SDK2: variants seen among roughly 807,000 people sequenced by gnomAD.
The protein encoded by SDK2 is protein sidekick-2.
Under a neutral mutation model 253.9 loss-of-function variants are expected in SDK2, and 105 were observed. The ratio of observed to expected loss-of-function variants is 0.41; its 90% CI spans 0.35 to 0.49. SDK2 has a LOEUF of 0.49. SDK2 is among the 20% of genes least tolerant of loss of function. The pLI, the probability that SDK2 is intolerant of heterozygous loss-of-function variation, is 0.06. For missense variants in SDK2, 2,608 were observed against 3,003.0 expected, an observed-to-expected ratio of 0.87 and a Z score of 3.07; for synonymous variants, 1,249 against 1,234.9, an observed-to-expected ratio of 1.01 and a Z score of -0.24.
intron 1 of SDK2, among the ~76,000 whole-genome samples, chr17:73,622,482 A>T (rs1028756677): frequency 6.6e-6 from 1 of 152,160 alleles, no homozygotes; most frequent in African/African-American, 2.4e-5. Context: ...TGGCTCAGGG[A>T]GGAAAGTAAT....
intron 12 of SDK2, among the ~76,000 whole-genome samples, chr17:73,426,910 C>G (rs2063288305): frequency 6.6e-6 from 1 of 151,996 alleles, no homozygotes; most frequent in African/African-American, 2.4e-5. Flanking sequence ...ACGGTGAAAC[C>G]CTGTCCCTAC....
At chr17:73,553,210 A>C (rs2045090786) in intron 1 of SDK2, among the ~76,000 whole-genome samples, 1 of 137,196 alleles carries the variant, frequency 7.3e-6, no homozygotes, top group South Asian at 2.4e-4. Context: ...CATCAGAGGC[A>C]AGAGGCAGAG....
intron 1 of SDK2, among the ~76,000 whole-genome samples, chr17:73,524,727 T>A (rs1291857720): frequency 1.3e-5 from 2 of 152,214 alleles, no homozygotes; most frequent in Non-Finnish European, 2.9e-5. Context: ...CTCAAAGACA[T>A]GAAGTGACTT....
At position 73,384,899 on chromosome 17, in the gene SDK2, G is replaced by A. The variant is rs78884401; in HGVS notation, c.4570-888C>T. Among the ~76,000 whole-genome samples, 1,395 of 152,274 alleles carry A rather than the reference G, an allele frequency of 9.2e-3. 37 individuals carry two copies. The highest frequency in any genetic ancestry group is 0.087 in the East Asian group (449 of 5,178). On this transcript the variant is annotated intron_variant, in intron 32 of 44. Transcript: ENST00000392650. ...TTGTTAGCTCCTTAATGGTTTCCCC[G>A]GCTGCCATGGGCACCTCCCTGCCCC...
chr17:73,588,336 G>A (rs1248687444), intron 1 of SDK2, among the ~76,000 whole-genome samples: 10 of 141,516 alleles, frequency 7.1e-5, no homozygotes, highest in South Asian at 4.4e-4. Context: ...GCGGTGAGCC[G>A]AGATCGCGCC....
intron 1 of SDK2, among the ~76,000 whole-genome samples, chr17:73,588,160 G>A (rs1432797351): frequency 1.3e-5 from 2 of 151,478 alleles, no homozygotes; most frequent in Non-Finnish European, 2.9e-5. Flanking sequence ...ATCACCTGGG[G>A]TCAGGAGTTC....
At position 73,612,955 on chromosome 17, in the gene SDK2, G is replaced by A. The variant is rs1567873306; in HGVS notation, c.64+31070C>T. On this transcript the variant is annotated intron_variant, in intron 1 of 44. Transcript: ENST00000392650. The surrounding 1 kb of genome is among the most constrained non-coding windows in gnomAD (Gnocchi z 4.4). The stretch of plus-strand genomic sequence containing the variant: ...AATAATAATAGTAATGGTAATAATA[G>A]CAGCCTACCAGATGTTTAGTATACA... Among the ~76,000 whole-genome samples, 1 of 151,314 alleles carries A rather than the reference G, an allele frequency of 6.6e-6. No individual in the cohort carries two copies. The highest frequency in any genetic ancestry group is 1.5e-5 in the Non-Finnish European group (1 of 68,004).
At chr17:73,630,770 G>A (rs1038606756) in intron 1 of SDK2, among the ~76,000 whole-genome samples, 3 of 152,140 alleles carry the variant, frequency 2.0e-5, no homozygotes, top group African/African-American at 7.2e-5. Context: ...CTTCAAACCA[G>A]GGCTCTGCAA....
At chr17:73,497,193 C>T (rs2063848542) in intron 2 of SDK2, among the ~76,000 whole-genome samples, 3 of 152,244 alleles carry the variant, frequency 2.0e-5, no homozygotes, top group Admixed American at 2.0e-4. Flanking sequence ...CCACTGCGCC[C>T]AGCCTGAGCT....
chr17:73,384,829 ACAAAAACCC>A (rs368142448), intron 32 of SDK2, among the ~76,000 whole-genome samples: 163 of 152,246 alleles, frequency 1.1e-3, no homozygotes, highest in African/African-American at 3.9e-3. Flanking sequence ...ACAAAACAAA[ACAAAAACCC>A]CAAAAAACCA....
chr17:73,430,651 T>TG, intron 11 of SDK2, 38 bp from the exon 12 acceptor site: 1 of 1,387,714 alleles, frequency 7.2e-7, no homozygotes. Context: ...TGAGAAGAGG[T>TG]GTGGGGGCTG....
intron 1 of SDK2, among the ~76,000 whole-genome samples, chr17:73,623,488 G>T (rs1382697905): frequency 1.3e-5 from 2 of 152,174 alleles, no homozygotes; most frequent in African/African-American, 4.8e-5. Flanking sequence ...GGGGGAGGAG[G>T]CCTTCCCCCT....
chr17:73,416,199 A>ATTTTTTTT (rs55713710), intron 16 of SDK2, among the ~76,000 whole-genome samples: 62,299 of 120,264 alleles, frequency 0.52, 18,984 homozygotes, highest in East Asian at 0.78. Flanking sequence ...AATGAATTCA[A>ATTTTTTTT]TTTTTTTTTT....
intron 43 of SDK2, among the ~76,000 whole-genome samples, chr17:73,348,968 G>T (rs1264440354): frequency 6.6e-6 from 1 of 152,214 alleles, no homozygotes; most frequent in Non-Finnish European, 1.5e-5. Context: ...GAATGTAGGG[G>T]GGATGTCACC....
rs1255933441 is a variant in SDK2 at position 73,338,689 on chromosome 17, G to T, written c.6417C>A (p.Asn2139Lys). ...PKASRTPTPQNPPNPPSQQST... is the reference protein window; with the variant it reads ...PKASRTPTPQKPPNPPSQQST... ...TCTGCTGACTTGGGGGGTTAGGGGG[G>T]TTCTGGGGCGTTGGAGTCCGACTGG... Residue 2139 changes from asparagine to lysine, a missense_variant, in exon 45 of 45, where the codon AAC becomes AAA. Transcript: ENST00000392650. The surrounding 1 kb of genome is among the most constrained non-coding windows in gnomAD (Gnocchi z 5.0). 3.7e-6 allele frequency: 6 copies of T among 1,604,284 alleles called. No individual in the cohort carries two copies. The Admixed American group carries it at 5.1e-5, about 14-fold the overall frequency.
intron 21 of SDK2, 61 bp from the exon 22 acceptor site, chr17:73,399,350 G>C: frequency 1.3e-6 from 2 of 1,583,718 alleles, no homozygotes; most frequent in Non-Finnish European, 8.6e-7. Context: ...CATGTTGAAC[G>C]GGACTGTTGG....
chr17:73,565,014 A>C (rs111504583), intron 1 of SDK2, among the ~76,000 whole-genome samples: 2 of 152,286 alleles, frequency 1.3e-5, no homozygotes, highest in African/African-American at 4.8e-5. Flanking sequence ...AATGTTTAGA[A>C]GATAGAAATG....
At chr17:73,404,002 C>T (rs4789233) in intron 18 of SDK2, among the ~76,000 whole-genome samples, 142,089 of 152,284 alleles carry the variant, frequency 0.93, 66,424 homozygotes, top group Non-Finnish European at 0.97. Flanking sequence ...TAAATATTAT[C>T]TTCCTGGGCT....
rs577940055 is a variant in SDK2, at chr17:73,426,278, G to A, written c.1584-2186C>T. Among the ~76,000 whole-genome samples, 14 of 127,020 alleles carry A rather than the reference G, an allele frequency of 1.1e-4. No individual in the cohort carries two copies. In the East Asian group the frequency reaches 3.6e-3, roughly 33 times the overall value. 83.3% of individuals were successfully genotyped at this position (127,020 alleles called of 152,430 possible). ...GACGGGGCTTTGCCATGTTGGCCAA[G>A]CTGGTCTTGAACTCCTGACCTCAGG... On this transcript the variant is annotated intron_variant, in intron 12 of 44. Transcript: ENST00000392650.
Sources: allele counts gnomAD v4.1 joint callset (sites outside exome capture counted in the v4.1 genomes callset), GRCh38; gene constraint gnomAD v4.1.1; non-coding constraint Gnocchi (gnomAD v3.1); transcripts MANE v1.5; gene names NCBI Gene and HGNC (gene_info 2026-07-23, HGNC 2026-07-21).